GABRR3: variants seen among roughly 807,000 people sequenced by gnomAD.
GABRR3 encodes gamma-aminobutyric acid receptor subunit rho-3.
In GABRR3, 29 loss-of-function variants were observed where a neutral mutation model predicts 43.2. The ratio of observed to expected loss-of-function variants is 0.67; its 90% CI spans 0.50 to 0.92. GABRR3 has a LOEUF of 0.92. GABRR3 is among the 40% of genes least tolerant of loss of function. GABRR3 has a pLI of 0.00. For missense variants in GABRR3, 576 were observed against 572.3 expected (o/e 1.01, Z -0.07); for synonymous variants, 206 against 195.9 (o/e 1.05, Z -0.43).
intron 2 of GABRR3, among the ~76,000 whole-genome samples, chr3:98,030,513 G>C (rs984707468): frequency 6.6e-6 from 1 of 152,182 alleles, no homozygotes; most frequent in African/African-American, 2.4e-5. Flanking sequence ...GTAGTTTCAT[G>C]AATCAGGATT....
chr3:98,029,876 G>T (rs1707063617), intron 2 of GABRR3, among the ~76,000 whole-genome samples: 1 of 152,026 alleles, frequency 6.6e-6, no homozygotes, highest in African/African-American at 2.4e-5. Flanking sequence ...AGCACTTTGG[G>T]AGGCGAAGGC....
chr3:98,001,420 C>T (rs558256490), intron 8 of GABRR3, 195 bp downstream of exon 8: 11 of 581,334 alleles, frequency 1.9e-5, no homozygotes, highest in African/African-American at 7.5e-5. Context: ...CCCTAAAATC[C>T]GGGTTCCCAA....
intron 3 of GABRR3, among the ~76,000 whole-genome samples, chr3:98,023,336 G>A (rs182949643): frequency 6.6e-6 from 1 of 152,294 alleles, no homozygotes; most frequent in East Asian, 1.9e-4. Flanking sequence ...AATTAGGGCA[G>A]GTTTTTGAAT....
At position 98,026,339 on chromosome 3, in the gene GABRR3, T is replaced by C. The variant is rs147951389; in HGVS notation, c.126-660A>G. 1.8e-3 allele frequency among the ~76,000 whole-genome samples: 276 copies of C among 152,276 alleles called. 2 individuals are homozygous for C. The highest frequency in any genetic ancestry group is 6.8e-3 in the Middle Eastern group (2 of 294). On this transcript the variant is annotated intron_variant, in intron 2 of 9. Transcript: ENST00000621172. ...TGATGTCTGTTTTTACCTACAGTTC[T>C]CTAGGACGAAGGAAAGCAGGCAGTG... is the stretch of plus-strand genomic sequence containing the variant.
chr3:98,006,132 A>G (rs1290939662), intron 7 of GABRR3, among the ~76,000 whole-genome samples: 2 of 152,056 alleles, frequency 1.3e-5, no homozygotes, highest in African/African-American at 4.8e-5. Context: ...AAGAAGGAGG[A>G]GCAGAAAAAT....
chr3:98,017,297 C>A (rs1340779474), intron 4 of GABRR3, among the ~76,000 whole-genome samples: 1 of 152,132 alleles, frequency 6.6e-6, no homozygotes, highest in Non-Finnish European at 1.5e-5. Flanking sequence ...TATTATTTTA[C>A]AGGCAAGGAC....
chr3:98,034,761 G>A, intron 2 of GABRR3, 102 bp downstream of exon 2: 2 of 1,360,766 alleles, frequency 1.5e-6, no homozygotes, highest in Non-Finnish European at 2.1e-6. Context: ...TTACAAAGAT[G>A]TGCTACCATT....
At chr3:98,025,124 T>C (rs1268695327) in intron 3 of GABRR3, among the ~76,000 whole-genome samples, 3 of 152,234 alleles carry the variant, frequency 2.0e-5, no homozygotes, top group Non-Finnish European at 4.4e-5. Flanking sequence ...TCTTAATTGC[T>C]AGAAGTGATA....
In GABRR3 at chr3:98,026,069, C is replaced by G. The variant is rs139419207; in HGVS notation, c.126-390G>C. On this transcript the variant is annotated intron_variant, in intron 2 of 9. Coordinates refer to ENST00000621172, the Ensembl canonical transcript of GABRR3. ...AGGAAGCAGGGCCTAGTAATCTGCACCTGAACAAGCTACCTAGGTGATCCT... is the reference window on the plus strand; with the variant it reads ...AGGAAGCAGGGCCTAGTAATCTGCAGCTGAACAAGCTACCTAGGTGATCCT... Among the ~76,000 whole-genome samples, 10 of 152,296 alleles carry G rather than the reference C, an allele frequency of 6.6e-5. No individual in the cohort carries two copies. In the East Asian group the frequency reaches 1.5e-3, roughly 23 times the overall value.
intron 5 of GABRR3, among the ~76,000 whole-genome samples, chr3:98,009,689 C>T (rs1401821250): frequency 2.0e-5 from 3 of 152,166 alleles, no homozygotes; most frequent in African/African-American, 7.2e-5. Flanking sequence ...AAAGTAGAAA[C>T]TTTGGTACCC....
chr3:98,001,507 C>G (rs1706641364), intron 8 of GABRR3, 108 bp downstream of exon 8: 2 of 1,150,376 alleles, frequency 1.7e-6, no homozygotes, highest in Non-Finnish European at 2.5e-6. Context: ...CTCTGACTAT[C>G]CCTACTAAAC....
At chr3:98,017,610 T>G (rs985159490) in intron 4 of GABRR3, 45 bp downstream of exon 4, 2 of 1,394,902 alleles carry the variant, frequency 1.4e-6, no homozygotes, top group Non-Finnish European at 2.0e-6. Context: ...ACTGCCGAGT[T>G]TCTGTCTTTT....
intron 9 of GABRR3, among the ~76,000 whole-genome samples, chr3:97,992,426 G>A (rs775265180): frequency 6.6e-6 from 1 of 152,078 alleles, no homozygotes; most frequent in East Asian, 1.9e-4. Flanking sequence ...AAATGAGGGC[G>A]ATAAAATACT....
At chr3:97,986,826 G>T (rs774287557) in exon 10 of GABRR3, 40 of 1,612,420 alleles carry the variant, frequency 2.5e-5, no homozygotes, top group Non-Finnish European at 2.8e-5. Flanking sequence ...CTCTTTATCC[G>T]AGATGAATCG....
chr3:98,000,466 T>C (rs1307055104), intron 8 of GABRR3: 3 of 152,176 alleles, frequency 2.0e-5, no homozygotes, highest in African/African-American at 7.2e-5. Flanking sequence ...TTAGGGCACA[T>C]GCTCTGATGT....
chr3:98,016,621 C>T (rs541472290), intron 4 of GABRR3, among the ~76,000 whole-genome samples: 40 of 152,268 alleles, frequency 2.6e-4, no homozygotes, highest in Middle Eastern at 3.4e-3. Flanking sequence ...GCTGTAAAGG[C>T]ACCCTTTATT....
At chr3:98,018,760 G>C (rs1292790647) in intron 3 of GABRR3, among the ~76,000 whole-genome samples, 1 of 151,946 alleles carries the variant, frequency 6.6e-6, no homozygotes, top group East Asian at 1.9e-4. Flanking sequence ...TTCAATTATG[G>C]TTGAGAAAAT....
intron 8 of GABRR3, among the ~76,000 whole-genome samples, chr3:97,994,552 G>A (rs1706512045): frequency 1.3e-5 from 2 of 152,146 alleles, no homozygotes; most frequent in South Asian, 4.1e-4. Context: ...TGTATTCCCT[G>A]GCTCTAAAAC....
intron 1 of GABRR3, 39 bp from the exon 2 acceptor site, chr3:98,035,028 C>T (rs762387385): frequency 1.9e-5 from 31 of 1,592,476 alleles, no homozygotes; most frequent in Middle Eastern, 1.7e-4. Flanking sequence ...CAGGTGAACG[C>T]AACCAATACT....
Sources: gnomAD v4.1 joint callset for allele counts (sites outside exome capture counted in the v4.1 genomes callset) on GRCh38, gnomAD v4.1.1 for gene constraint, MANE v1.5 for transcripts, NCBI Gene and HGNC (gene_info 2026-07-23, HGNC 2026-07-21) for gene names.